FTCDNL1: variants seen among roughly 807,000 people sequenced by gnomAD.
FTCDNL1 encodes the protein formiminotransferase cyclodeaminase N-terminal like.
A neutral mutation model predicts 5.9 loss-of-function variants in FTCDNL1; 11 were observed. The ratio of observed to expected loss-of-function variants is 1.87; its 90% confidence interval spans 1.18 to 3.10. The LOEUF (loss-of-function observed/expected upper bound fraction) is 3.10, where lower values mean the gene tolerates loss of function less well. FTCDNL1 is among the 30% of genes most tolerant of loss of function. The pLI is 0.00. For missense variants in FTCDNL1, 115 were observed against 65.5 expected, an observed-to-expected ratio of 1.76 and a Z score of -2.61; for synonymous variants, 58 against 24.8, an observed-to-expected ratio of 2.34 and a Z score of -3.99.
At chr2:199,707,240 A>G in the FTCDNL1 span, among the ~76,000 whole-genome samples, 698 of 152,332 alleles carry the variant, frequency 4.6e-3, 6 homozygotes, top group African/African-American at 0.016. Flanking sequence ...AAGAATTTAT[A>G]TGTTATTAGT....
the FTCDNL1 span, among the ~76,000 whole-genome samples, chr2:199,739,651 C>T: frequency 1.2e-4 from 18 of 151,946 alleles, no homozygotes; most frequent in African/African-American, 4.1e-4. Context: ...AAAACCAAAC[C>T]AAAACAAAAA....
At chr2:199,699,772 C>T in the FTCDNL1 span, among the ~76,000 whole-genome samples, 1 of 152,136 alleles carries the variant, frequency 6.6e-6, no homozygotes, top group Non-Finnish European at 1.5e-5. Flanking sequence ...TGTGATTCAT[C>T]ACAGAAACAG....
chr2:199,701,219 C>T, the FTCDNL1 span, among the ~76,000 whole-genome samples: 24 of 149,396 alleles, frequency 1.6e-4, no homozygotes, highest in African/African-American at 5.1e-4. Context: ...CTCAACGTCG[C>T]TAATCATTAA....
At chr2:199,819,244 CCATT>C (rs899039166) in intron 4 of FTCDNL1, 21 of 305,288 alleles carry the variant, frequency 6.9e-5, no homozygotes, top group Non-Finnish European at 1.2e-4. Flanking sequence ...ACACCCCACA[CCATT>C]CACAGACAGG....
chr2:199,760,218 A>C (rs1179900420), downstream of FTCDNL1, among the ~76,000 whole-genome samples: 4 of 145,078 alleles, frequency 2.8e-5, no homozygotes, highest in Non-Finnish European at 6.1e-5. Flanking sequence ...AAAAAAAAAA[A>C]ACAAAAAACT....
At chr2:199,816,475 T>C (rs1030463225) in intron 4 of FTCDNL1, among the ~76,000 whole-genome samples, 3 of 152,204 alleles carry the variant, frequency 2.0e-5, no homozygotes, top group African/African-American at 7.2e-5. Context: ...GGGAAGATGA[T>C]GGAAATAATC....
chr2:199,671,441 C>T, the FTCDNL1 span, among the ~76,000 whole-genome samples: 1 of 151,682 alleles, frequency 6.6e-6, no homozygotes, highest in African/African-American at 2.4e-5. Flanking sequence ...TAGGCAAGAG[C>T]CCTAATTACA....
intron 3 of FTCDNL1, among the ~76,000 whole-genome samples, chr2:199,795,457 C>A (rs1239640330): frequency 6.6e-6 from 1 of 152,162 alleles, no homozygotes; most frequent in Non-Finnish European, 1.5e-5. Flanking sequence ...CCTCCTTATT[C>A]TTTATATTTC....
chr2:199,740,019 G>A, the FTCDNL1 span, among the ~76,000 whole-genome samples: 3 of 152,144 alleles, frequency 2.0e-5, no homozygotes, highest in African/African-American at 7.2e-5. Flanking sequence ...GCGAGAGTAC[G>A]CATTGCCGCC....
Position 199,810,032 on chromosome 2 carries a change from G to A in FTCDNL1, c.*2673C>T, listed in dbSNP as rs1227925796. Among the ~76,000 whole-genome samples the A allele has an allele frequency of 1.3e-5, 2 of 151,614 alleles. No individual in the cohort carries two copies. Among genetic ancestry groups the A allele is most frequent in the Admixed American group, 6.6e-5 (1 of 15,192 alleles). ...TAACTTTATCTACTCTAAACTATCC[G>A]AAGGATTTTTTTTTTCCTAAAAGAG... On this transcript the variant is annotated 3_prime_UTR_variant, in exon 5 of 5. Coordinates refer to ENST00000420128, the MANE Select transcript of FTCDNL1 (RefSeq NM_001363886.2).
At chr2:199,740,052 A>G in the FTCDNL1 span, among the ~76,000 whole-genome samples, 1 of 152,164 alleles carries the variant, frequency 6.6e-6, no homozygotes, top group East Asian at 1.9e-4. Flanking sequence ...AGGGTGGAAA[A>G]CAACCACTGT....
chr2:199,732,495 T>G, the FTCDNL1 span, among the ~76,000 whole-genome samples: 35,962 of 152,126 alleles, frequency 0.24, 4,856 homozygotes, highest in African/African-American at 0.35. Context: ...AAGTAGAAAT[T>G]ATTTTGATGT....
At chr2:199,823,911 G>T (rs1701854429) in intron 3 of FTCDNL1, among the ~76,000 whole-genome samples, 1 of 152,162 alleles carries the variant, frequency 6.6e-6, no homozygotes, top group Non-Finnish European at 1.5e-5. Flanking sequence ...CTCCTAGATG[G>T]CCTCTTCTTC....
At chr2:199,694,021 GAGGTA>G in the FTCDNL1 span, among the ~76,000 whole-genome samples, 1 of 152,236 alleles carries the variant, frequency 6.6e-6, no homozygotes, top group African/African-American at 2.4e-5. Context: ...ACAGCAGAGA[GAGGTA>G]AGGATTGGGT....
chr2:199,732,486 A>G, the FTCDNL1 span, among the ~76,000 whole-genome samples: 3 of 152,234 alleles, frequency 2.0e-5, no homozygotes, highest in Non-Finnish European at 4.4e-5. Context: ...ATAACAAAAA[A>G]GTAGAAATTA....
At chr2:199,813,944 T>C (rs200005390) in intron 4 of FTCDNL1, among the ~76,000 whole-genome samples, 2 of 104,964 alleles carry the variant, frequency 1.9e-5, no homozygotes, top group African/African-American at 3.6e-5. Flanking sequence ...AAAAAAAAAA[T>C]ACTTTTTTAC....
At chr2:199,724,714 G>C in the FTCDNL1 span, among the ~76,000 whole-genome samples, 2 of 151,926 alleles carry the variant, frequency 1.3e-5, no homozygotes, top group Admixed American at 1.3e-4. Flanking sequence ...TTTAAATCTT[G>C]AGTTCTAATT....
chr2:199,822,441 G>A (rs1418701243), intron 3 of FTCDNL1, among the ~76,000 whole-genome samples: 1 of 152,128 alleles, frequency 6.6e-6, no homozygotes, highest in Non-Finnish European at 1.5e-5. Context: ...AAAATGCTAA[G>A]GCTTCAGCAA....
intron 3 of FTCDNL1, among the ~76,000 whole-genome samples, chr2:199,792,072 T>C (rs1009592060): frequency 2.0e-5 from 3 of 152,098 alleles, no homozygotes; most frequent in Non-Finnish European, 4.4e-5. Flanking sequence ...GCCTTATCCA[T>C]TCAATTTTAT....
Sources: gnomAD v4.1 joint callset for allele counts (sites outside exome capture counted in the v4.1 genomes callset) on GRCh38, gnomAD v4.1.1 for gene constraint, MANE v1.5 for transcripts, NCBI Gene and HGNC (gene_info 2026-07-23, HGNC 2026-07-21) for gene names.